TP63: variants seen among roughly 807,000 people sequenced by gnomAD.
TP63 encodes tumor protein p63, also known as tumor protein 63.
Under a neutral mutation model 82.8 loss-of-function variants are expected in TP63, and 17 were observed. The observed-to-expected ratio is 0.21, with a 90% CI of 0.14 to 0.31. TP63 has a LOEUF of 0.31. Ranked by LOEUF, TP63 falls within the 10% of genes least tolerant of loss-of-function variation. The pLI, the probability that TP63 is intolerant of heterozygous loss-of-function variation, is 1.00. For missense variants in TP63, 648 were observed against 895.3 expected, an observed-to-expected ratio of 0.72 and a Z score of 3.52; for synonymous variants, 330 against 321.7, an observed-to-expected ratio of 1.03 and a Z score of -0.28.
chr3:189,677,527 C>G lies in TP63; in HGVS notation c.62+45950C>G, dbSNP rs572610962. 3.3e-5 allele frequency among the ~76,000 whole-genome samples: 5 copies of G among 151,386 alleles called. No homozygotes were observed. The South Asian group carries it at 8.3e-4, about 25-fold the overall frequency. The stretch of plus-strand genomic sequence containing the variant: ...GCACACTTAGGTTGATTCCAGATCT[C>G]TGCTATTGTGAATAGTGCCACAGTC... On this transcript the variant is annotated intron_variant, in intron 1 of 13. Transcript: ENST00000264731.
intron 12 of TP63, 57 bp downstream of exon 12, chr3:189,889,541 GGGC>G (rs1720806032): frequency 1.2e-6 from 2 of 1,611,646 alleles, no homozygotes; most frequent in Admixed American, 3.3e-5. Context: ...GGATGGTGGA[GGGC>G]GGATACTGTT....
intron 1 of TP63, among the ~76,000 whole-genome samples, chr3:189,697,508 T>C (rs1039362588): frequency 2.6e-5 from 4 of 151,970 alleles, no homozygotes; most frequent in Non-Finnish European, 5.9e-5. Flanking sequence ...TCTTTTTCAG[T>C]ATTGTGTTGG....
chr3:189,626,110 G>A, the TP63 span, among the ~76,000 whole-genome samples: 1 of 152,150 alleles, frequency 6.6e-6, no homozygotes, highest in Admixed American at 6.6e-5. Context: ...TTGAATTAAA[G>A]TCATTCGAAT....
chr3:189,774,860 T>C (rs1258296154), intron 3 of TP63, among the ~76,000 whole-genome samples: 2 of 152,212 alleles, frequency 1.3e-5, no homozygotes, highest in Non-Finnish European at 2.9e-5. Context: ...AGTACTGTTA[T>C]TGAATATATT....
intron 3 of TP63, among the ~76,000 whole-genome samples, chr3:189,746,946 C>T (rs1192842418): frequency 6.7e-6 from 1 of 150,252 alleles, no homozygotes; most frequent in East Asian, 1.9e-4. Flanking sequence ...CAAACACTAG[C>T]AGGACTAGCT....
At chr3:189,598,913 G>A in the TP63 span, among the ~76,000 whole-genome samples, 8 of 152,316 alleles carry the variant, frequency 5.3e-5, no homozygotes, top group East Asian at 1.3e-3. Flanking sequence ...ATAGCAAGTG[G>A]AAGGCATATC....
At chr3:189,777,209 T>C (rs1297959458) in intron 3 of TP63, among the ~76,000 whole-genome samples, 1 of 152,172 alleles carries the variant, frequency 6.6e-6, no homozygotes, top group African/African-American at 2.4e-5. Flanking sequence ...ATTTTTATTT[T>C]ATTTTGAGAC....
At chr3:189,605,704 C>T in the TP63 span, among the ~76,000 whole-genome samples, 1 of 151,924 alleles carries the variant, frequency 6.6e-6, no homozygotes, top group African/African-American at 2.4e-5. Flanking sequence ...AATCTCATTG[C>T]AAACAACTAA....
chr3:189,619,904 A>G, the TP63 span, among the ~76,000 whole-genome samples: 2 of 152,154 alleles, frequency 1.3e-5, no homozygotes, highest in Admixed American at 1.3e-4. Context: ...GCCAGTCCCA[A>G]AACCCCCATT....
intron 4 of TP63, among the ~76,000 whole-genome samples, chr3:189,840,786 G>A (rs1713973687): frequency 6.6e-6 from 1 of 150,746 alleles, no homozygotes; most frequent in South Asian, 2.1e-4. Context: ...GAACCCGGGA[G>A]GCAGAGGTTG....
At chr3:189,702,605 C>T (rs1717896201) in intron 1 of TP63, among the ~76,000 whole-genome samples, 1 of 152,198 alleles carries the variant, frequency 6.6e-6, no homozygotes, top group Admixed American at 6.5e-5. Flanking sequence ...GAGCAGGGCA[C>T]ATGCCACAGG....
chr3:189,603,708 T>C, the TP63 span, among the ~76,000 whole-genome samples: 1 of 146,720 alleles, frequency 6.8e-6, no homozygotes, highest in African/African-American at 2.5e-5. Context: ...AGATTTTTTT[T>C]CCTACCCTCT....
At chr3:189,846,169 A>G (rs1577090716) in intron 4 of TP63, among the ~76,000 whole-genome samples, 1 of 151,848 alleles carries the variant, frequency 6.6e-6, no homozygotes, top group African/African-American at 2.4e-5. Context: ...AAAGGAGCTG[A>G]ATTTACTTGT....
At chr3:189,785,829 A>G (rs1724559120) in intron 3 of TP63, among the ~76,000 whole-genome samples, 1 of 152,004 alleles carries the variant, frequency 6.6e-6, no homozygotes, top group South Asian at 2.1e-4. Context: ...TTATATAGTG[A>G]GGGAGCTCTA....
At chr3:189,889,875 C>G (rs1050905308) in intron 12 of TP63, among the ~76,000 whole-genome samples, 12 of 152,276 alleles carry the variant, frequency 7.9e-5, no homozygotes, top group Middle Eastern at 3.4e-3. Flanking sequence ...CCTTATAGCT[C>G]TCAGCCACCA....
Position 189,846,718 on chromosome 3 carries a change from A to G in TP63, c.580-17514A>G, listed in dbSNP as rs146333820. ...TTTTTTTTTTTTTTGAGACAGTCTC[A>G]CTCTATTGCCCAGGCTGTAGTGCAA... On this transcript the variant is annotated intron_variant, in intron 4 of 13. Coordinates refer to ENST00000264731, the MANE Select transcript of TP63 (RefSeq NM_003722.5). 5.7e-3 allele frequency among the ~76,000 whole-genome samples: 621 copies of G among 108,044 alleles called. 9 individuals carry two copies. The highest frequency in any genetic ancestry group is 0.023 in the African/African-American group (607 of 26,674). 70.9% of individuals were successfully genotyped at this position (108,044 alleles called of 152,430 possible).
At chr3:189,602,719 T>C in the TP63 span, among the ~76,000 whole-genome samples, 1 of 152,178 alleles carries the variant, frequency 6.6e-6, no homozygotes, top group Non-Finnish European at 1.5e-5. Flanking sequence ...GACACTGATT[T>C]CATACACTCT....
At chr3:189,822,913 G>T (rs964084088) in intron 4 of TP63, among the ~76,000 whole-genome samples, 20 of 152,172 alleles carry the variant, frequency 1.3e-4, no homozygotes, top group African/African-American at 4.6e-4. Flanking sequence ...TTCTCTAGGG[G>T]TGGCTGCACT....
intron 4 of TP63, among the ~76,000 whole-genome samples, chr3:189,851,997 G>C (rs1715697065): frequency 6.6e-6 from 1 of 152,154 alleles, no homozygotes; most frequent in Admixed American, 6.5e-5. Context: ...CGGGAGGAAA[G>C]GGGACAGGAT....
Sources: allele counts gnomAD v4.1 joint callset (sites outside exome capture counted in the v4.1 genomes callset), GRCh38; gene constraint gnomAD v4.1.1; transcripts MANE v1.5; gene names NCBI Gene and HGNC (gene_info 2026-07-23, HGNC 2026-07-21).